Variants in ZNF536 observed in about 807,000 individuals in gnomAD.
ZNF536 encodes the protein zinc finger protein 536.
Under a neutral mutation model 84.5 loss-of-function variants are expected in ZNF536, and 13 were observed. The observed-to-expected ratio is 0.15, with a 90% CI of 0.10 to 0.24. ZNF536 has a LOEUF of 0.24. ZNF536 is among the 10% of genes least tolerant of loss of function. The probability of loss-of-function intolerance (pLI) is 1.00; values close to 1 mark genes in which losing one functional copy is unlikely to be tolerated. For synonymous variants in ZNF536, 811 were observed against 742.5 expected (o/e 1.09, Z -1.50); for missense variants, 1,536 against 1,747.5 (o/e 0.88, Z 2.16).
intron 1 of ZNF536, among the ~76,000 whole-genome samples, chr19:30,698,530 C>T (rs138216776): frequency 2.0e-5 from 3 of 152,298 alleles, no homozygotes; most frequent in African/African-American, 7.2e-5. Flanking sequence ...CTCCTTCCAC[C>T]TTCCTGGCTG....
chr19:30,462,242 A>G (rs922201406), intron 2 of ZNF536, among the ~76,000 whole-genome samples: 6 of 151,866 alleles, frequency 4.0e-5, no homozygotes, highest in African/African-American at 1.5e-4. Flanking sequence ...AGAGGGGCTG[A>G]GTCTGCTGTG....
At chr19:30,277,267 T>G (rs2145568875) in intron 1 of ZNF536, among the ~76,000 whole-genome samples, 1 of 152,324 alleles carries the variant, frequency 6.6e-6, no homozygotes, top group South Asian at 2.1e-4. Flanking sequence ...GGGGTGTAAT[T>G]TGATTGGCTC....
intron 1 of ZNF536, among the ~76,000 whole-genome samples, chr19:30,426,984 T>TATCC (rs773827623): frequency 2.6e-5 from 4 of 151,908 alleles, no homozygotes; most frequent in Admixed American, 6.5e-5. Flanking sequence ...TCCATCCATG[T>TATCC]ATCCATCCAT....
chr19:30,684,284 G>A (rs2051088015), intron 1 of ZNF536, among the ~76,000 whole-genome samples: 1 of 152,136 alleles, frequency 6.6e-6, no homozygotes, highest in Non-Finnish European at 1.5e-5. Context: ...ACAGATGCAT[G>A]CCACAATGCC....
At chr19:30,450,931 G>T (rs2052573992) in intron 2 of ZNF536, among the ~76,000 whole-genome samples, 1 of 151,810 alleles carries the variant, frequency 6.6e-6, no homozygotes, top group Non-Finnish European at 1.5e-5. Context: ...TTTTTTTAAA[G>T]CTCAGCTGTG....
At chr19:30,377,589 T>C (rs541590323) in intron 1 of ZNF536, among the ~76,000 whole-genome samples, 1 of 152,270 alleles carries the variant, frequency 6.6e-6, no homozygotes, top group Non-Finnish European at 1.5e-5. Context: ...CCAATGCTCG[T>C]ATATATAGGA....
At chr19:30,673,167 G>C (rs1450374235) in intron 1 of ZNF536, among the ~76,000 whole-genome samples, 5 of 152,210 alleles carry the variant, frequency 3.3e-5, no homozygotes, top group Non-Finnish European at 5.9e-5. Context: ...ACTGTCAGCT[G>C]TTCCAGCCCG....
At chr19:30,259,580 T>A (rs1488783369) in intron 1 of ZNF536, among the ~76,000 whole-genome samples, 1 of 152,208 alleles carries the variant, frequency 6.6e-6, no homozygotes, top group Non-Finnish European at 1.5e-5. Context: ...TCAGGGGTTA[T>A]AAAATGGCAG....
chr19:30,345,918 G>A (rs141251290), intron 2 of ZNF536, among the ~76,000 whole-genome samples: 1 of 152,342 alleles, frequency 6.6e-6, no homozygotes, highest in East Asian at 1.9e-4. Context: ...CATCAGTCGG[G>A]AGGGCTGGAG....
At chr19:30,599,343 C>G (rs1371741375) in intron 1 of ZNF536, among the ~76,000 whole-genome samples, 3 of 141,932 alleles carry the variant, frequency 2.1e-5, no homozygotes, top group Non-Finnish European at 4.6e-5. Flanking sequence ...CTTCCTCCCT[C>G]CCTGATCCCT....
intron 1 of ZNF536, among the ~76,000 whole-genome samples, chr19:30,686,766 G>A (rs899274916): frequency 6.6e-6 from 1 of 151,970 alleles, no homozygotes; most frequent in Non-Finnish European, 1.5e-5. Flanking sequence ...TCATTATCTC[G>A]GCTCAGGCCA....
chr19:30,559,642 G>A (rs1481369173), downstream of ZNF536, among the ~76,000 whole-genome samples: 3 of 152,208 alleles, frequency 2.0e-5, no homozygotes, highest in East Asian at 5.8e-4. Context: ...CCTGGGATGG[G>A]GCCCAGAGGG....
At chr19:30,481,072 C>A (rs1042259843) in intron 2 of ZNF536, among the ~76,000 whole-genome samples, 1 of 151,706 alleles carries the variant, frequency 6.6e-6, no homozygotes, top group South Asian at 2.1e-4. Context: ...TTTTAGCTGC[C>A]CTTAATACTA....
chr19:30,398,496 C>T (rs193000709), intron 1 of ZNF536, among the ~76,000 whole-genome samples: 22 of 152,040 alleles, frequency 1.4e-4, no homozygotes, highest in Non-Finnish European at 2.4e-4. Context: ...CCCATCAACT[C>T]GTCACCTGCA....
chr19:30,230,540 C>T lies in ZNF536; in HGVS notation c.-190+1867C>T, dbSNP rs185608427. 2.5e-4 allele frequency among the ~76,000 whole-genome samples: 38 copies of T among 152,252 alleles called. No individual in the cohort carries two copies. The East Asian group carries it at 3.1e-3, about 12-fold the overall frequency. On this transcript the variant is annotated intron_variant, in intron 1 of 5. Coordinates refer to the ZNF536 transcript ENST00000585628. Reference sequence around the variant, plus strand: ...CGGAAGACTTAGGGCAGGCAGGGAGCGACAGTCACGCTGTTCTGGTCCAAG... The same window carrying T: ...CGGAAGACTTAGGGCAGGCAGGGAGTGACAGTCACGCTGTTCTGGTCCAAG...
chr19:30,236,316 G>A (rs534078407), intron 1 of ZNF536, among the ~76,000 whole-genome samples: 8 of 152,324 alleles, frequency 5.3e-5, no homozygotes, highest in African/African-American at 1.4e-4. Flanking sequence ...GACATTGCAT[G>A]CACCATTTCT....
intron 1 of ZNF536, among the ~76,000 whole-genome samples, chr19:30,596,054 T>C (rs78899227): frequency 0.013 from 1,923 of 152,324 alleles, 14 homozygotes; most frequent in Middle Eastern, 0.02. Context: ...TCTGTGACCA[T>C]GGGCTAATTC....
rs2146244124 is a variant in ZNF536 at position 30,549,213 on chromosome 19, C to T, written c.3594C>T (p.Ser1198=). 1 of 1,614,114 alleles carries T rather than the reference C, an allele frequency of 6.2e-7. No homozygotes were observed. The highest frequency in any genetic ancestry group is 8.5e-7 in the Non-Finnish European group (1 of 1,180,050). The change falls in exon 4 of 5, where the codon AGC becomes AGT. Residue 1198 remains serine, a synonymous_variant. Transcript: ENST00000355537. ...TGACCAAGCCACTGTCTGCCCTCAG[C>T]AAAGACAGCAGCAGCGATGGCGGGG... ...EMMTKPLSAL[S]KDSSSDGGDS... is the part of the protein sequence containing the mutation.
At chr19:30,597,085 G>GC (rs1420206003) in intron 1 of ZNF536, among the ~76,000 whole-genome samples, 1 of 152,128 alleles carries the variant, frequency 6.6e-6, no homozygotes, top group Non-Finnish European at 1.5e-5. Context: ...AATGTGCTAG[G>GC]CTGACCAGTC....
Sources: gnomAD v4.1 joint callset for allele counts (sites outside exome capture counted in the v4.1 genomes callset) on GRCh38, gnomAD v4.1.1 for gene constraint, MANE v1.5 for transcripts, NCBI Gene and HGNC (gene_info 2026-07-23, HGNC 2026-07-21) for gene names.